PRSS23: variants seen among roughly 807,000 people sequenced by gnomAD.
PRSS23 encodes the protein serine protease 23.
PRSS23 carries 25 observed loss-of-function variants against 34.7 expected under a neutral mutation model. That is an observed-to-expected ratio of 0.72 (90% CI 0.53 to 1.01). The LOEUF is 1.01. Ranked by LOEUF, PRSS23 falls within the 50% of genes least tolerant of loss-of-function variation. The pLI, the probability that PRSS23 is intolerant of heterozygous loss-of-function variation, is 0.00. For missense variants in PRSS23, 445 were observed against 475.6 expected, an observed-to-expected ratio of 0.94 and a Z score of 0.60; for synonymous variants, 176 against 186.6, an observed-to-expected ratio of 0.94 and a Z score of 0.46.
intron 2 of PRSS23, among the ~76,000 whole-genome samples, chr11:86,842,326 A>T (rs1336249086): frequency 1.3e-5 from 2 of 152,244 alleles, no homozygotes; most frequent in Non-Finnish European, 2.9e-5. Context: ...AGCCAATATC[A>T]TACTGAATGG....
At chr11:86,802,296 G>C (rs758666489) in intron 1 of PRSS23, among the ~76,000 whole-genome samples, 2 of 152,174 alleles carry the variant, frequency 1.3e-5, no homozygotes, top group African/African-American at 2.4e-5. Flanking sequence ...TAGAGAAGAG[G>C]CTAAACTTCA....
chr11:86,791,864 A>T (rs1240704771), intron 1 of PRSS23, among the ~76,000 whole-genome samples: 1 of 152,198 alleles, frequency 6.6e-6, no homozygotes, highest in Non-Finnish European at 1.5e-5. Flanking sequence ...AAAATAAGCA[A>T]TGCATGACAT....
At chr11:86,934,557 A>C (rs1384709020) in intron 2 of PRSS23, 1 of 152,214 alleles carries the variant, frequency 6.6e-6, no homozygotes, top group East Asian at 1.9e-4. Context: ...TGAAAGGAGA[A>C]GTATCTTTTA....
intron 2 of PRSS23, chr11:86,836,820 G>A (rs1054177187): frequency 6.6e-6 from 1 of 152,240 alleles, no homozygotes; most frequent in Non-Finnish European, 1.5e-5. Context: ...CACCCTCAGA[G>A]TTTGGACATA....
intron 2 of PRSS23, among the ~76,000 whole-genome samples, chr11:86,938,001 A>C (rs1371333226): frequency 6.6e-6 from 1 of 152,146 alleles, no homozygotes; most frequent in Non-Finnish European, 1.5e-5. Context: ...GGGATAATAA[A>C]TGGTTCTGCA....
intron 2 of PRSS23, among the ~76,000 whole-genome samples, chr11:86,926,320 A>T (rs1278767426): frequency 7.9e-5 from 12 of 152,186 alleles, no homozygotes; most frequent in Admixed American, 7.9e-4. Flanking sequence ...CCAAGATCGC[A>T]CCACTGCACT....
exon 3 of PRSS23, chr11:86,951,386 T>TA (rs775641791): frequency 6.2e-7 from 1 of 1,614,038 alleles, no homozygotes; most frequent in South Asian, 1.1e-5. Context: ...GGAGATTTCA[T>TA]AAAAATAACA....
intron 2 of PRSS23, among the ~76,000 whole-genome samples, chr11:86,832,052 T>G (rs1041486894): frequency 1.3e-5 from 2 of 152,038 alleles, no homozygotes; most frequent in Non-Finnish European, 2.9e-5. Flanking sequence ...ATGTTACTCC[T>G]AATGTCACAG....
chr11:86,951,704 G>C, exon 3 of PRSS23: 1 of 1,614,106 alleles, frequency 6.2e-7, no homozygotes, highest in Non-Finnish European at 8.5e-7. Context: ...GATGGCCCAG[G>C]CTGCAATGTG....
At chr11:86,924,370 G>A (rs7116266) in intron 2 of PRSS23, among the ~76,000 whole-genome samples, 90,300 of 151,980 alleles carry the variant, frequency 0.59, 27,212 homozygotes, top group Non-Finnish European at 0.65. Context: ...GCCATTTCTA[G>A]GGCCTACAAC....
intron 2 of PRSS23, among the ~76,000 whole-genome samples, chr11:86,932,238 A>T (rs1949131035): frequency 6.6e-6 from 1 of 152,210 alleles, no homozygotes; most frequent in East Asian, 1.9e-4. Context: ...GAGGGGCAGG[A>T]GCTGCTTTTG....
chr11:86,917,094 C>T (rs1341932479), intron 2 of PRSS23, among the ~76,000 whole-genome samples: 2 of 152,252 alleles, frequency 1.3e-5, no homozygotes, highest in Admixed American at 6.5e-5. Flanking sequence ...CCAAGGCGGG[C>T]AGATCACGTG....
upstream of PRSS23, among the ~76,000 whole-genome samples, chr11:86,797,245 G>T (rs575408019): frequency 6.6e-6 from 1 of 152,230 alleles, no homozygotes; most frequent in Non-Finnish European, 1.5e-5. Flanking sequence ...TCCCCACTGG[G>T]GAGGGAAATG....
chr11:86,863,560 T>G (rs947533110), intron 2 of PRSS23, among the ~76,000 whole-genome samples: 1 of 152,180 alleles, frequency 6.6e-6, no homozygotes, highest in African/African-American at 2.4e-5. Flanking sequence ...GATTTGAATA[T>G]TTGAGGTCAC....
intron 2 of PRSS23, chr11:86,934,863 A>G (rs546204816): frequency 6.6e-6 from 1 of 152,352 alleles, no homozygotes; most frequent in South Asian, 2.1e-4. Context: ...TCCCTGAACC[A>G]TGTGCTCCAG....
chr11:86,824,181 G>A (rs926585416), intron 2 of PRSS23, among the ~76,000 whole-genome samples: 1 of 151,412 alleles, frequency 6.6e-6, no homozygotes, highest in African/African-American at 2.4e-5. Context: ...GGCCCCGTAT[G>A]CCTGTGGTTC....
chr11:86,808,031 A>G lies in PRSS23; in HGVS notation c.388A>G (p.Ile130Val). Reference protein sequence around the residue: ...SSGKSRRKRQIYGYDSRFSIF... With the variant: ...SSGKSRRKRQVYGYDSRFSIF... The stretch of plus-strand genomic sequence containing the variant: ...AGGAAAGTCTCGAAGGAAGCGGCAG[A>G]TTTATGGCTATGACAGCAGGTTCAG... Residue 130 changes from isoleucine to valine, a missense_variant, in exon 2 of 2, where the codon ATT (isoleucine) becomes GTT (valine). Physicochemically the swap from Ile to Val is conservative, Grantham distance 29 (BLOSUM62 3). Coordinates refer to ENST00000280258, the MANE Select transcript of PRSS23 (RefSeq NM_007173.6). 6.2e-7 allele frequency: 1 copy of G among 1,614,002 alleles called. No individual in the cohort carries two copies. Among genetic ancestry groups the G allele is most frequent in the Non-Finnish European group, 8.5e-7 (1 of 1,180,002 alleles).
At chr11:86,879,358 T>C (rs1291755976) in intron 2 of PRSS23, among the ~76,000 whole-genome samples, 1 of 146,716 alleles carries the variant, frequency 6.8e-6, no homozygotes, top group Non-Finnish European at 1.5e-5. Context: ...AACCGCCCCA[T>C]ATGAGAAGTG....
At chr11:86,804,011 C>T (rs1339499498) in intron 1 of PRSS23, among the ~76,000 whole-genome samples, 2 of 152,112 alleles carry the variant, frequency 1.3e-5, no homozygotes, top group Non-Finnish European at 2.9e-5. Context: ...TAGTCAGCAT[C>T]GTCCCTGACC....
Sources: allele counts gnomAD v4.1 joint callset (sites outside exome capture counted in the v4.1 genomes callset), GRCh38; gene constraint gnomAD v4.1.1; transcripts MANE v1.5; gene names NCBI Gene and HGNC (gene_info 2026-07-23, HGNC 2026-07-21).